ANO4: variants seen among roughly 807,000 people sequenced by gnomAD.
ANO4 encodes anoctamin-4.
In ANO4, 69 loss-of-function variants were observed where a neutral mutation model predicts 141.9. The ratio of observed to expected loss-of-function variants is 0.49; its 90% CI spans 0.40 to 0.59. ANO4 has a LOEUF of 0.59. Among genes scored for constraint, ANO4 ranks in the 20% least tolerant of loss-of-function variants. The pLI is 0.00. For synonymous variants in ANO4, 350 were observed against 394.3 expected (o/e 0.89, Z 1.33); for missense variants, 894 against 1,162.2 (o/e 0.77, Z 3.36).
chr12:101,109,487 G>C (rs10467012), intron 22 of ANO4, among the ~76,000 whole-genome samples: 33,636 of 151,932 alleles, frequency 0.22, 3,875 homozygotes, highest in Admixed American at 0.29. Flanking sequence ...CTTGAACCCA[G>C]GAGGCGGAGG....
intron 1 of ANO4, among the ~76,000 whole-genome samples, chr12:100,804,272 G>A (rs10778079): frequency 0.38 from 57,733 of 152,022 alleles, 11,620 homozygotes; most frequent in Middle Eastern, 0.52. Context: ...CCTTGAGAAG[G>A]ACATGATCTT....
intron 1 of ANO4, among the ~76,000 whole-genome samples, chr12:100,849,057 G>T (rs1459103676): frequency 6.6e-6 from 1 of 152,180 alleles, no homozygotes; most frequent in Non-Finnish European, 1.5e-5. Context: ...GTGTTAGCAT[G>T]TGGAGAGCAC....
intron 3 of ANO4, among the ~76,000 whole-genome samples, chr12:100,774,716 A>G (rs111807029): frequency 6.6e-6 from 1 of 152,184 alleles, no homozygotes; most frequent in African/African-American, 2.4e-5. Context: ...AAAGACAAAC[A>G]AAAACGAGAT....
At chr12:101,104,611 GTGTGTATGTATGTGTGTATA>G (rs1339324580) in intron 22 of ANO4, among the ~76,000 whole-genome samples, 1,513 of 77,456 alleles carry the variant, frequency 0.02, 9 homozygotes, top group South Asian at 0.025. Context: ...GTGTGTGTGT[GTGTGTATGTATGTGTGTATA>G]TATATATATA....
At chr12:100,992,174 A>C (rs1293606983) in intron 8 of ANO4, among the ~76,000 whole-genome samples, 2 of 152,218 alleles carry the variant, frequency 1.3e-5, no homozygotes, top group Non-Finnish European at 2.9e-5. Context: ...CCATTCTCTC[A>C]GGTGCATACT....
intron 22 of ANO4, among the ~76,000 whole-genome samples, chr12:101,103,179 CATTTTATATATATATATATATAT>C (rs2050261299): frequency 1.4e-5 from 1 of 70,274 alleles, no homozygotes; most frequent in African/African-American, 6.8e-5. Context: ...CCTTTTTAGT[CATTTTATATATATATATATATAT>C]ATATATATAT....
chr12:100,968,827 G>A (rs2043794666), intron 5 of ANO4, among the ~76,000 whole-genome samples: 1 of 152,148 alleles, frequency 6.6e-6, no homozygotes, highest in Admixed American at 6.5e-5. Context: ...ATGAAATGGG[G>A]CAGGACTGAC....
At chr12:101,041,144 T>A (rs1040737870) in intron 11 of ANO4, among the ~76,000 whole-genome samples, 2 of 152,174 alleles carry the variant, frequency 1.3e-5, no homozygotes, top group Non-Finnish European at 2.9e-5. Flanking sequence ...CATGTCTCAT[T>A]TCCTAGACTA....
intron 7 of ANO4, among the ~76,000 whole-genome samples, chr12:100,979,344 C>A (rs1447967783): frequency 6.6e-6 from 1 of 152,086 alleles, no homozygotes; most frequent in African/African-American, 2.4e-5. Flanking sequence ...CTGGGCGCAT[C>A]CCCAGTGTGT....
chr12:101,043,250 G>C (rs1004112904), intron 12 of ANO4, among the ~76,000 whole-genome samples: 3 of 152,162 alleles, frequency 2.0e-5, no homozygotes, highest in South Asian at 4.1e-4. Flanking sequence ...CCTTTGAAAA[G>C]TGAAGGACAT....
chr12:100,841,296 C>G (rs751432148), intron 1 of ANO4, among the ~76,000 whole-genome samples: 1 of 152,074 alleles, frequency 6.6e-6, no homozygotes, highest in Non-Finnish European at 1.5e-5. Context: ...TCATGACATC[C>G]GCCAAAATTA....
At chr12:100,792,959 T>G (rs74348682), upstream of ANO4, among the ~76,000 whole-genome samples, 2,040 of 152,348 alleles carry the variant, frequency 0.013, 51 homozygotes, top group African/African-American at 0.047. Context: ...ATTTCCTGAA[T>G]GGCTTCGGTT....
At chr12:101,087,752 C>T (rs1424119774) in intron 17 of ANO4, among the ~76,000 whole-genome samples, 1 of 152,118 alleles carries the variant, frequency 6.6e-6, no homozygotes, top group Non-Finnish European at 1.5e-5. Flanking sequence ...GAATCAGCTC[C>T]TCCCACAGCC....
At chr12:100,876,988 A>G (rs903171240) in intron 1 of ANO4, among the ~76,000 whole-genome samples, 1 of 152,192 alleles carries the variant, frequency 6.6e-6, no homozygotes, top group African/African-American at 2.4e-5. Context: ...ATGAACCTGG[A>G]GGATATTATG....
chr12:100,871,826 C>T (rs2039051339), intron 1 of ANO4, among the ~76,000 whole-genome samples: 1 of 152,124 alleles, frequency 6.6e-6, no homozygotes, highest in South Asian at 2.1e-4. Flanking sequence ...GGGGTGGGGG[C>T]TCTGCACTCA....
chr12:101,108,130 G>T (rs1226012540), intron 22 of ANO4, among the ~76,000 whole-genome samples: 1 of 152,134 alleles, frequency 6.6e-6, no homozygotes, highest in Non-Finnish European at 1.5e-5. Context: ...GTCAGGGTTA[G>T]CGATAGAGAA....
intron 8 of ANO4, among the ~76,000 whole-genome samples, chr12:101,008,282 A>G (rs1185478963): frequency 6.6e-6 from 1 of 152,072 alleles, no homozygotes; most frequent in Non-Finnish European, 1.5e-5. Context: ...CCATGCTTCA[A>G]CCCTTTATAT....
chr12:100,803,281 G>C (rs1239765559), intron 1 of ANO4, among the ~76,000 whole-genome samples: 1 of 152,160 alleles, frequency 6.6e-6, no homozygotes, highest in African/African-American at 2.4e-5. Flanking sequence ...GAAGAGACGG[G>C]AGTGAATTAG....
chr12:101,019,132 A>G (rs1249606805), intron 8 of ANO4, among the ~76,000 whole-genome samples: 1 of 152,186 alleles, frequency 6.6e-6, no homozygotes, highest in African/African-American at 2.4e-5. Flanking sequence ...GCCTACATTT[A>G]TATGCCTTTG....
Sources: allele counts gnomAD v4.1 joint callset (sites outside exome capture counted in the v4.1 genomes callset), GRCh38; gene constraint gnomAD v4.1.1; transcripts MANE v1.5; gene names NCBI Gene and HGNC (gene_info 2026-07-23, HGNC 2026-07-21).